MAOB: variants seen among roughly 807,000 people sequenced by gnomAD.
MAOB encodes the protein monoamine oxidase B.
MAOB carries 15 observed loss-of-function variants against 41.9 expected under a neutral mutation model. The observed-to-expected ratio is 0.36, with a 90% CI of 0.24 to 0.55. The LOEUF (loss-of-function observed/expected upper bound fraction) is 0.55. Among genes scored for constraint, MAOB ranks in the 20% least tolerant of loss-of-function variants. The probability of loss-of-function intolerance (pLI) is 0.86; values close to 1 mark genes in which losing one functional copy is unlikely to be tolerated. For missense variants in MAOB, 345 were observed against 398.7 expected, an observed-to-expected ratio of 0.87 and a Z score of 1.15; for synonymous variants, 167 against 144.2, an observed-to-expected ratio of 1.16 and a Z score of -1.13.
intron 1 of MAOB, among the ~76,000 whole-genome samples, chrX:43,851,324 A>G (rs1480918240): frequency 1.8e-5 from 2 of 111,660 alleles, no homozygotes; most frequent in Admixed American, 9.5e-5. Flanking sequence ...TGATGCCATG[A>G]TCATTTCCTT....
In MAOB at chrX:43,780,255, A is replaced by G. The variant is rs1166209366; in HGVS notation, c.1079+87T>C. 3.9e-6 allele frequency: 3 copies of G among 776,695 alleles called. No homozygotes were observed. In the African/African-American group the frequency reaches 6.4e-5, roughly 17 times the overall value. The allele number at this position is 776,695 out of a possible 1,213,427, so 64.0% of individuals were successfully genotyped here. A position where few individuals can be genotyped will look rare whatever the true frequency, so the allele number is the denominator to read the frequency against. On this transcript the variant is annotated intron_variant, in intron 10 of 14. Coordinates refer to ENST00000378069, the MANE Select transcript of MAOB (RefSeq NM_000898.5). Reference sequence around the variant, plus strand: ...TGAAAGGCAGGCAAGTAGGTAGAAAAGAAGGAAAGAAAGAGAAAAGGGAGG... The same window carrying G: ...TGAAAGGCAGGCAAGTAGGTAGAAAGGAAGGAAAGAAAGAGAAAAGGGAGG...
At chrX:43,861,969 A>G (rs750813933) in intron 1 of MAOB, among the ~76,000 whole-genome samples, 179 of 110,130 alleles carry the variant, frequency 1.6e-3, no homozygotes, top group African/African-American at 5.2e-3. Context: ...TCAGCAACCC[A>G]AGTTGAAAGG....
chrX:43,810,528 T>G (rs1250931670), intron 3 of MAOB, among the ~76,000 whole-genome samples: 3 of 110,660 alleles, frequency 2.7e-5, no homozygotes, highest in Non-Finnish European at 5.7e-5. Context: ...TATAGAGAGA[T>G]AGAGCCACAA....
intron 1 of MAOB, among the ~76,000 whole-genome samples, chrX:43,860,280 C>T (rs763504163): frequency 8.9e-6 from 1 of 111,867 alleles, no homozygotes; most frequent in Non-Finnish European, 1.9e-5. Context: ...ATGTAAACTG[C>T]CTACTTAATT....
chrX:43,835,107 G>A (rs772914748), intron 3 of MAOB, among the ~76,000 whole-genome samples: 1 of 112,127 alleles, frequency 8.9e-6, no homozygotes, highest in South Asian at 3.7e-4. Flanking sequence ...TCTTCAAAGA[G>A]CCCAAAAGAA....
At chrX:43,797,341 G>A in intron 5 of MAOB, 75 bp from the exon 6 acceptor site, 1 of 839,076 alleles carries the variant, frequency 1.2e-6, no homozygotes, top group Non-Finnish European at 1.6e-6. Flanking sequence ...AATTATTTAA[G>A]TAACACATTT....
intron 10 of MAOB, among the ~76,000 whole-genome samples, chrX:43,779,652 T>G (rs1407132682): frequency 1.8e-5 from 2 of 111,607 alleles, no homozygotes; most frequent in Non-Finnish European, 3.8e-5. Context: ...ACCTTCATGA[T>G]CTTATATTCT....
At chrX:43,779,826 T>A (rs1419417472) in intron 10 of MAOB, among the ~76,000 whole-genome samples, 1 of 111,886 alleles carries the variant, frequency 8.9e-6, no homozygotes, top group Non-Finnish European at 1.9e-5. Flanking sequence ...AGCAGTGGTG[T>A]GGGAATAAAT....
intron 5 of MAOB, 66 bp from the exon 6 acceptor site, chrX:43,797,332 A>T: frequency 1.1e-6 from 1 of 886,545 alleles, no homozygotes; most frequent in African/African-American, 2.0e-5. Flanking sequence ...TTCTCTAAAA[A>T]TTATTTAAGT....
chrX:43,857,069 A>T (rs971069789), intron 1 of MAOB, among the ~76,000 whole-genome samples: 41 of 86,082 alleles, frequency 4.8e-4, no homozygotes, highest in Non-Finnish European at 8.6e-4. Flanking sequence ...CTCAACACAA[A>T]CTACCTATTC....
At chrX:43,838,444 T>C (rs1300154681) in intron 3 of MAOB, among the ~76,000 whole-genome samples, 4 of 112,140 alleles carry the variant, frequency 3.6e-5, no homozygotes, top group African/African-American at 1.3e-4. Flanking sequence ...AGCTGATATA[T>C]AGGCCACAAT....
chrX:43,803,975 T>C (rs956413273), intron 3 of MAOB, among the ~76,000 whole-genome samples: 35 of 111,307 alleles, frequency 3.1e-4, no homozygotes, highest in Admixed American at 2.6e-3. Context: ...AAACTTCTCT[T>C]CTAGACATGT....
intron 1 of MAOB, among the ~76,000 whole-genome samples, chrX:43,857,112 TATATAGAGAGAGAGAGAG>T (rs1391213852): frequency 3.4e-3 from 51 of 14,984 alleles, no homozygotes; most frequent in Non-Finnish European, 4.2e-3. Flanking sequence ...TATATATATA[TATATAGAGAGAGAGAGAG>T]AGAGAGAGAG....
chrX:43,832,969 C>G (rs777071697), intron 3 of MAOB, among the ~76,000 whole-genome samples: 1 of 110,958 alleles, frequency 9.0e-6, no homozygotes, highest in East Asian at 2.8e-4. Flanking sequence ...TCGATTTTTC[C>G]AATATGTGAG....
At chrX:43,824,585 A>G (rs2034921812) in intron 3 of MAOB, among the ~76,000 whole-genome samples, 1 of 111,910 alleles carries the variant, frequency 8.9e-6, no homozygotes, top group Non-Finnish European at 1.9e-5. Context: ...CAGGAGGCTG[A>G]GGCAGGAGAA....
chrX:43,819,110 A>G (rs939002277), intron 3 of MAOB, among the ~76,000 whole-genome samples: 3 of 111,819 alleles, frequency 2.7e-5, no homozygotes, highest in Non-Finnish European at 5.6e-5. Flanking sequence ...AGCCCCAATA[A>G]ACAAAGTTTG....
Position 43,795,840 on chromosome X carries a change from C to A in MAOB, c.667G>T (p.Asp223Tyr). ...AGCTTCACTCGGTCTCCAAGGAGGT[C>A]CATTATCCGCTCACTCACTTGACCA... ...GSGQVSERIMDLLGDRVKLER... is the reference protein window; with the variant it reads ...GSGQVSERIMYLLGDRVKLER... The change falls in exon 7 of 15, where the codon GAC becomes TAC. Residue 223 changes from aspartate (D) to tyrosine (Y), a missense_variant. Asp to Tyr is a radical substitution (Grantham distance 160). Coordinates refer to ENST00000378069, the MANE Select transcript of MAOB (RefSeq NM_000898.5). The A allele has an allele frequency of 8.3e-7, 1 of 1,209,782 alleles. No homozygotes were observed. The highest frequency in any genetic ancestry group is 1.1e-6 in the Non-Finnish European group (1 of 893,919).
chrX:43,780,921 G>A (rs761668838), intron 9 of MAOB, among the ~76,000 whole-genome samples: 12 of 111,533 alleles, frequency 1.1e-4, no homozygotes, highest in African/African-American at 3.9e-4. Flanking sequence ...ATGTCCTGAG[G>A]CCCATCTTAA....
chrX:43,868,625 A>G (rs1216496478), intron 1 of MAOB, among the ~76,000 whole-genome samples: 1 of 111,300 alleles, frequency 9.0e-6, no homozygotes, highest in Non-Finnish European at 1.9e-5. Context: ...TATTTTACTT[A>G]TACCCCTTAT....
Sources: gnomAD v4.1 joint callset for allele counts (sites outside exome capture counted in the v4.1 genomes callset) on GRCh38, gnomAD v4.1.1 for gene constraint, MANE v1.5 for transcripts, NCBI Gene and HGNC (gene_info 2026-07-23, HGNC 2026-07-21) for gene names.